Variants in HDAC4 observed in about 807,000 individuals in gnomAD.
The protein encoded by HDAC4 is histone deacetylase A.
A neutral mutation model predicts 135.1 loss-of-function variants in HDAC4; 16 were observed. The observed-to-expected ratio is 0.12, with a 90% CI of 0.08 to 0.18. HDAC4 has a LOEUF of 0.18. Among genes scored for constraint, HDAC4 ranks in the 10% least tolerant of loss-of-function variants. The pLI is 1.00. For missense variants in HDAC4, 1,143 were observed against 1,511.8 expected, an observed-to-expected ratio of 0.76 and a Z score of 4.05; for synonymous variants, 685 against 653.4, an observed-to-expected ratio of 1.05 and a Z score of -0.74.
chr2:239,222,240 A>G (rs2046998167), intron 3 of HDAC4, among the ~76,000 whole-genome samples: 1 of 152,218 alleles, frequency 6.6e-6, no homozygotes, highest in African/African-American at 2.4e-5. Flanking sequence ...ATCTGGAGGG[A>G]GCAAGACCAT....
rs538494097 is a variant in HDAC4, at chr2:239,344,351, T to C, written c.22+8327A>G. On this transcript the variant is annotated intron_variant, in intron 2 of 26. Coordinates refer to ENST00000543185, the MANE Select transcript of HDAC4 (RefSeq NM_001378414.1). ...ATTCAGCATCTCAGAACTCAGAAAT[T>C]TGCATTTCTACAATAGTGGCTTTGA... Among the ~76,000 whole-genome samples the C allele has an allele frequency of 1.1e-4, 17 of 152,304 alleles. No individual in the cohort carries two copies. The South Asian group carries it at 3.5e-3, about 32-fold the overall frequency.
At chr2:239,232,153 C>T (rs1327917643) in intron 3 of HDAC4, among the ~76,000 whole-genome samples, 1 of 152,282 alleles carries the variant, frequency 6.6e-6, no homozygotes, top group African/African-American at 2.4e-5. Context: ...CCAACACCCA[C>T]CACTTTAGTG....
chr2:239,158,425 T>C (rs1280707737), intron 6 of HDAC4, among the ~76,000 whole-genome samples: 4 of 152,208 alleles, frequency 2.6e-5, no homozygotes, highest in Non-Finnish European at 5.9e-5. Context: ...ATTTGAACGG[T>C]AGGATTTGCT....
chr2:239,264,883 G>C (rs553740713), intron 2 of HDAC4, among the ~76,000 whole-genome samples: 218 of 152,328 alleles, frequency 1.4e-3, no homozygotes, highest in African/African-American at 5.0e-3. Context: ...GCCCCCATAT[G>C]CTGCTGGAGG....
chr2:239,236,112 T>C (rs2047873071), intron 3 of HDAC4, among the ~76,000 whole-genome samples: 1 of 152,238 alleles, frequency 6.6e-6, no homozygotes, highest in Admixed American at 6.5e-5. Context: ...CCGATACTTT[T>C]TTTTGTTAAA....
rs182152556 is a variant in HDAC4, at chr2:239,153,546, A to G, written c.733+3106T>C. Among the ~76,000 whole-genome samples, 43 of 152,350 alleles carry G rather than the reference A, an allele frequency of 2.8e-4. 2 individuals are homozygous for G. Among genetic ancestry groups the G allele is most frequent in the Admixed American group, 1.2e-3 (18 of 15,308 alleles). ...GATACAGGGTGTGTAACTACACACT[A>G]TTCTCTTAAGTGGTTTAAACGTTTT... is the stretch of plus-strand genomic sequence containing the variant. On this transcript the variant is annotated intron_variant, in intron 7 of 26. Transcript: ENST00000543185.
intron 2 of HDAC4, among the ~76,000 whole-genome samples, chr2:239,254,359 A>T (rs1178239338): frequency 6.6e-6 from 1 of 152,156 alleles, no homozygotes; most frequent in Non-Finnish European, 1.5e-5. Context: ...AAAACCGAGA[A>T]ATGACTCCAA....
At chr2:239,175,573 G>A (rs1229680777) in intron 5 of HDAC4, among the ~76,000 whole-genome samples, 3 of 152,240 alleles carry the variant, frequency 2.0e-5, no homozygotes, top group Non-Finnish European at 4.4e-5. Flanking sequence ...GTCTCCAGAT[G>A]TACAAACACA....
At chr2:239,185,807 G>T (rs1006785488) in intron 4 of HDAC4, among the ~76,000 whole-genome samples, 4 of 152,230 alleles carry the variant, frequency 2.6e-5, no homozygotes, top group Admixed American at 1.3e-4. Context: ...GATACAGGCA[G>T]ATCACTTAAG....
chr2:239,332,705 A>C (rs544930040), intron 2 of HDAC4, among the ~76,000 whole-genome samples: 5 of 152,146 alleles, frequency 3.3e-5, no homozygotes, highest in Admixed American at 6.5e-5. Flanking sequence ...ATTAAATCCC[A>C]AAAACAAAAA....
At chr2:239,111,790 C>G (rs1575067307) in intron 13 of HDAC4, 78 bp from the exon 14 acceptor site, 1 of 1,353,650 alleles carries the variant, frequency 7.4e-7, no homozygotes, top group East Asian at 2.5e-5. Context: ...GTTGCCCTCT[C>G]TTGCAAGTCT....
intron 3 of HDAC4, among the ~76,000 whole-genome samples, chr2:239,200,029 C>T (rs761730011): frequency 1.2e-4 from 19 of 152,180 alleles, no homozygotes; most frequent in Non-Finnish European, 2.4e-4. Context: ...TGAGCCACCG[C>T]GCCCAGCCCT....
Position 239,243,630 on chromosome 2 carries a change from C to T in HDAC4, c.23-6966G>A, listed in dbSNP as rs370129827. The stretch of plus-strand genomic sequence containing the variant: ...GCTTAGGGCTACTGGGAAACAGTAA[C>T]GACACAGTCTTCATTGCAGCCAATC... On this transcript the variant is annotated intron_variant, in intron 2 of 26. Coordinates refer to ENST00000543185, the MANE Select transcript of HDAC4 (RefSeq NM_001378414.1). Among the ~76,000 whole-genome samples the T allele has an allele frequency of 1.3e-3, 196 of 152,298 alleles. 1 individual carries two copies. Among genetic ancestry groups the T allele is most frequent in the African/African-American group, 4.4e-3 (184 of 41,556 alleles).
intron 23 of HDAC4, chr2:239,067,071 G>C (rs1323485186): frequency 4.8e-6 from 3 of 631,276 alleles, no homozygotes; most frequent in African/African-American, 3.7e-5. Flanking sequence ...TCAATGCTTT[G>C]ATTTTTAATC....
intron 5 of HDAC4, among the ~76,000 whole-genome samples, chr2:239,171,703 A>G (rs2043463376): frequency 6.6e-6 from 1 of 152,234 alleles, no homozygotes; most frequent in Non-Finnish European, 1.5e-5. Context: ...ACAGTTAAGC[A>G]CATTAAAGAA....
intron 11 of HDAC4, among the ~76,000 whole-genome samples, chr2:239,134,037 C>T (rs2040775988): frequency 6.6e-6 from 1 of 152,164 alleles, no homozygotes; most frequent in Non-Finnish European, 1.5e-5. Context: ...CTTCTGTTTC[C>T]ACTCCATCTA....
rs3791487 is a variant in HDAC4, at chr2:239,146,126, G to C, written c.734-1412C>G. On this transcript the variant is annotated intron_variant, in intron 7 of 26. Coordinates refer to ENST00000543185, the MANE Select transcript of HDAC4 (RefSeq NM_001378414.1). This position sits in a 1 kb window ranked among gnomAD's most constrained non-coding sequence, Gnocchi z 4.5. The stretch of plus-strand genomic sequence containing the variant: ...GCCGGCCTCTCCACGGGCTACTGAC[G>C]AGGGCACACTTCTGTGCCTAACACA... Among the ~76,000 whole-genome samples the C allele has an allele frequency of 0.88, 134,464 of 152,278 alleles. 59,780 individuals are homozygous for C. The highest frequency in any genetic ancestry group is 0.97 in the African/African-American group (40,158 of 41,556).
intron 1 of HDAC4, among the ~76,000 whole-genome samples, chr2:239,375,703 G>A (rs952555945): frequency 3.9e-5 from 6 of 152,216 alleles, no homozygotes; most frequent in Non-Finnish European, 7.3e-5. Flanking sequence ...GTCTGGGGTG[G>A]AAGATCGCAT....
In HDAC4 at chr2:239,141,919, C is replaced by T. The variant is rs2041401951; in HGVS notation, c.866-2123G>A. ...TAAATGCATAATCTTCATAGTATTA[C>T]TTAGATCAGCAAAACGGGAACACCA... is the stretch of plus-strand genomic sequence containing the variant. On this transcript the variant is annotated intron_variant, in intron 8 of 26. Coordinates refer to ENST00000543185, the MANE Select transcript of HDAC4 (RefSeq NM_001378414.1). This position sits in a 1 kb window ranked among gnomAD's most constrained non-coding sequence, Gnocchi z 4.9. 6.6e-6 allele frequency among the ~76,000 whole-genome samples: 1 copy of T among 152,130 alleles called. No homozygotes were observed. Among genetic ancestry groups the T allele is most frequent in the African/African-American group, 2.4e-5 (1 of 41,410 alleles).
Sources: gnomAD v4.1 joint callset for allele counts (sites outside exome capture counted in the v4.1 genomes callset) on GRCh38, gnomAD v4.1.1 for gene constraint, Gnocchi (gnomAD v3.1) non-coding constraint, MANE v1.5 for transcripts, NCBI Gene and HGNC (gene_info 2026-07-23, HGNC 2026-07-21) for gene names.